Variants in ARL10 observed in about 807,000 individuals in gnomAD.
ARL10 encodes ARF like GTPase 10, also known as ADP-ribosylation factor-like protein 10.
In ARL10, 23 loss-of-function variants were observed where a neutral mutation model predicts 26.1. The ratio of observed to expected loss-of-function variants is 0.88; its 90% confidence interval spans 0.63 to 1.25. ARL10 has a LOEUF of 1.25. Ranked by LOEUF, ARL10 falls within the 50% of genes most tolerant of loss-of-function variation. The probability of loss-of-function intolerance (pLI) is 0.00; values close to 1 mark genes in which losing one functional copy is unlikely to be tolerated. For missense variants in ARL10, 300 were observed against 323.6 expected (o/e 0.93, Z 0.56); for synonymous variants, 138 against 149.1 (o/e 0.93, Z 0.54).
chr5:176,389,198 G>A (rs1257039238), downstream of ARL10: 2 of 1,175,170 alleles, frequency 1.7e-6, no homozygotes, highest in Admixed American at 2.2e-5. Context: ...GGAAGACCTC[G>A]ACTCGACCTA....
chr5:176,390,782 A>T (rs1756241554), downstream of ARL10, among the ~76,000 whole-genome samples: 1 of 152,106 alleles, frequency 6.6e-6, no homozygotes, highest in Non-Finnish European at 1.5e-5. Context: ...ATAGAAGAGG[A>T]AACAGGCTCA....
chr5:176,370,015 T>C (rs1341915944), intron 3 of ARL10, among the ~76,000 whole-genome samples: 1 of 152,142 alleles, frequency 6.6e-6, no homozygotes, highest in Admixed American at 6.5e-5. Flanking sequence ...CTGTACCTTT[T>C]CCACTCTGCT....
downstream of ARL10, among the ~76,000 whole-genome samples, chr5:176,383,133 C>G (rs990889152): frequency 1.3e-5 from 2 of 152,158 alleles, no homozygotes; most frequent in African/African-American, 2.4e-5. Context: ...ACTTCAAACC[C>G]CACCTTGACA....
At chr5:176,383,087 C>G (rs1274128813), downstream of ARL10, among the ~76,000 whole-genome samples, 1 of 152,148 alleles carries the variant, frequency 6.6e-6, no homozygotes, top group Non-Finnish European at 1.5e-5. Context: ...AAGGGGAAGA[C>G]AGCAAGCAGA....
At chr5:176,389,573 A>G, downstream of ARL10, 1 of 1,455,440 alleles carries the variant, frequency 6.9e-7, no homozygotes, top group Admixed American at 2.1e-5. Context: ...CTACCGTGGG[A>G]CTTACTCCCT....
chr5:176,405,238 C>T (rs1052903971), downstream of ARL10, among the ~76,000 whole-genome samples: 1 of 152,038 alleles, frequency 6.6e-6, no homozygotes, highest in Non-Finnish European at 1.5e-5. Context: ...ACCTGTAATC[C>T]CAGCACTTTG....
At chr5:176,389,262 A>T, downstream of ARL10, 3 of 1,524,894 alleles carry the variant, frequency 2.0e-6, no homozygotes, top group Non-Finnish European at 2.7e-6. Flanking sequence ...TGGGGAAGCG[A>T]GACCCAAAGC....
chr5:176,385,927 T>C (rs1219726794), downstream of ARL10: 1 of 152,620 alleles, frequency 6.6e-6, no homozygotes, highest in Non-Finnish European at 1.5e-5. Flanking sequence ...GAGAAAGAGC[T>C]ACCTCAGAGA....
At chr5:176,406,068 G>T, downstream of ARL10, 2 of 796,152 alleles carry the variant, frequency 2.5e-6, no homozygotes, top group Non-Finnish European at 3.0e-6. Flanking sequence ...TTTCCGGGCT[G>T]CTCAGAACTT....
exon 2 of ARL10, chr5:176,388,426 C>T: frequency 6.2e-7 from 1 of 1,614,058 alleles, no homozygotes; most frequent in Non-Finnish European, 8.5e-7. Flanking sequence ...AACCCCAGCC[C>T]CCTCACCATT....
chr5:176,373,101 CTGGGAGAGGAT>C lies in ARL10; in HGVS notation c.*1208_*1218del. 1 of 398,532 alleles carries C rather than the reference CTGGGAGAGGAT, an allele frequency of 2.5e-6. No individual in the cohort carries two copies. Among genetic ancestry groups the C allele is most frequent in the Non-Finnish European group, 4.4e-6 (1 of 226,058 alleles). The allele number at this position is 398,532 out of a possible 1,614,324, so 24.7% of individuals were successfully genotyped here. On this transcript the variant is annotated 3_prime_UTR_variant, in exon 4 of 4. Coordinates refer to ENST00000310389, the MANE Select transcript of ARL10 (RefSeq NM_173664.6). ...CCTTCTGGGTAGATAAGAAATGACT[CTGGGAGAGGAT>C]TTCCCTTATGTGAATCTAGGTAAAA...
Position 176,377,745 on chromosome 5 carries a change from G to T in ARL10, c.*5850G>T, listed in dbSNP as rs963561638. 6.6e-6 allele frequency: 1 copy of T among 152,052 alleles called. No individual in the cohort carries two copies. Among genetic ancestry groups the T allele is most frequent in the Admixed American group, 6.6e-5 (1 of 15,250 alleles). The allele number at this position is 152,052 out of a possible 1,614,324, so 9.4% of individuals were successfully genotyped here. The stretch of plus-strand genomic sequence containing the variant: ...ATAATCTGGATCATCTTGCTCATTT[G>T]TGAGGTGCAGAGGTTGTTTTTTGTT... On this transcript the variant is annotated 3_prime_UTR_variant, in exon 4 of 4. Transcript: ENST00000310389. This position sits in a 1 kb window ranked among gnomAD's most constrained non-coding sequence, Gnocchi z 4.5.
chr5:176,400,119 G>A (rs1271671900), intron 1 of ARL10, among the ~76,000 whole-genome samples: 4 of 150,354 alleles, frequency 2.7e-5, no homozygotes, highest in Non-Finnish European at 5.9e-5. Context: ...TGAATCCGGG[G>A]CGGGGCAGGG....
intron 3 of ARL10, 33 bp from the exon 4 acceptor site, chr5:176,371,689 C>CCAGCTGTGTTCGGACTTCTGT: frequency 6.3e-7 from 1 of 1,595,748 alleles, no homozygotes; most frequent in Non-Finnish European, 8.6e-7. Flanking sequence ...GGAAATGCTG[C>CCAGCTGTGTTCGGACTTCTGT]CAGCTGTGTT....
chr5:176,372,383 C>T lies in ARL10; in HGVS notation c.*488C>T, dbSNP rs967221963. ...GTTCCTGTCCTGCATTGTCCAGCCC[C>T]AGCTCCACCTAAGTGACTTGTGGCC... On this transcript the variant is annotated 3_prime_UTR_variant, in exon 4 of 4. Coordinates refer to ENST00000310389, the MANE Select transcript of ARL10 (RefSeq NM_173664.6). The T allele has an allele frequency of 6.3e-6, 1 of 158,902 alleles. No individual in the cohort carries two copies. The highest frequency in any genetic ancestry group is 2.4e-5 in the African/African-American group (1 of 41,690). 9.8% of individuals were successfully genotyped at this position (158,902 alleles called of 1,614,324 possible).
chr5:176,396,430 G>A lies in ARL10; in HGVS notation c.134-5311G>A, dbSNP rs1197188017. On this transcript the variant is annotated intron_variant, in intron 1 of 1. Coordinates refer to the ARL10 transcript ENST00000514533. ...GCAGGAAACTCAAGAAACTGTGGTG[G>A]CCATTCCCTCTCTAGCTCCCCCAAC... is the stretch of plus-strand genomic sequence containing the variant. 5.4e-6 allele frequency: 8 copies of A among 1,476,612 alleles called. No individual in the cohort carries two copies. The South Asian group carries it at 9.0e-5, about 17-fold the overall frequency. The allele number at this position is 1,476,612 out of a possible 1,614,324, so 91.5% of individuals were successfully genotyped here.
chr5:176,368,916 A>G lies in ARL10; in HGVS notation c.495A>G (p.Arg165=). 6.2e-7 allele frequency: 1 copy of G among 1,614,046 alleles called. No homozygotes were observed. Among genetic ancestry groups the G allele is most frequent in the Non-Finnish European group, 8.5e-7 (1 of 1,180,012 alleles). ...ACCGACTGCGGCTGCCCTGGGCCCGACAGGAGCTGCACAAGCTGCTGGACA... is the reference window on the plus strand; with the variant it reads ...ACCGACTGCGGCTGCCCTGGGCCCGGCAGGAGCTGCACAAGCTGCTGGACA... ...SADRLRLPWA[R]QELHKLLDKD... Residue 165 remains arginine, a synonymous_variant, in exon 3 of 4, where the codon CGA becomes CGG. Transcript: ENST00000310389. This position sits in a 1 kb window ranked among gnomAD's most constrained non-coding sequence, Gnocchi z 4.1.
At chr5:176,366,081 G>C (rs1768287170) in intron 1 of ARL10, among the ~76,000 whole-genome samples, 1 of 152,152 alleles carries the variant, frequency 6.6e-6, no homozygotes, top group African/African-American at 2.4e-5. Context: ...CCCCTCCGGC[G>C]CCTGCGCAGT....
chr5:176,397,518 TGGCCCCCTCATGTCCCCAC>T (rs1231610401), intron 1 of ARL10: 3 of 87,734 alleles, frequency 3.4e-5, no homozygotes, highest in East Asian at 3.8e-4. Context: ...CATGTCCCCA[TGGCCCCCTCATGTCCCCAC>T]GGCCCCCTCA....
Sources: gnomAD v4.1 joint callset for allele counts (sites outside exome capture counted in the v4.1 genomes callset) on GRCh38, gnomAD v4.1.1 for gene constraint, Gnocchi (gnomAD v3.1) non-coding constraint, MANE v1.5 for transcripts, NCBI Gene and HGNC (gene_info 2026-07-23, HGNC 2026-07-21) for gene names.